The following C2CD3 variants were observed in gnomAD, a reference collection of about 807,000 sequenced individuals.
C2CD3 encodes the protein C2 domain-containing protein 3.
In C2CD3, 148 loss-of-function variants were observed where a neutral mutation model predicts 234.0. The ratio of observed to expected loss-of-function variants is 0.63; its 90% CI spans 0.55 to 0.72. C2CD3 has a LOEUF of 0.72. Among genes scored for constraint, C2CD3 ranks in the 30% least tolerant of loss-of-function variants. The pLI is 0.00. For missense variants in C2CD3, 2,577 were observed against 2,811.5 expected (o/e 0.92, Z 1.89); for synonymous variants, 1,000 against 1,035.4 (o/e 0.97, Z 0.66).
At chr11:74,061,609 A>G (rs550286822) in intron 24 of C2CD3, among the ~76,000 whole-genome samples, 1 of 152,338 alleles carries the variant, frequency 6.6e-6, no homozygotes, top group Admixed American at 6.5e-5. Context: ...GCCTTACAAG[A>G]GCTCCCAAAG....
chr11:74,021,471 A>G (rs2135402249), intron 32 of C2CD3, among the ~76,000 whole-genome samples: 1 of 152,298 alleles, frequency 6.6e-6, no homozygotes, highest in East Asian at 1.9e-4. Context: ...GGGCCAAGTT[A>G]ACCATCGGGA....
At chr11:74,100,230 T>A (rs1473680625) in intron 15 of C2CD3, among the ~76,000 whole-genome samples, 5 of 152,212 alleles carry the variant, frequency 3.3e-5, no homozygotes, top group Non-Finnish European at 4.4e-5. Context: ...CTTCTCTGAA[T>A]CTCTGTTAAC....
intron 7 of C2CD3, among the ~76,000 whole-genome samples, chr11:74,131,241 T>C (rs1957668827): frequency 6.6e-6 from 1 of 151,100 alleles, no homozygotes; most frequent in South Asian, 2.1e-4. Flanking sequence ...GAGAATCACT[T>C]GAACCCAGGA....
chr11:74,098,730 T>C lies in C2CD3; in HGVS notation c.2733-475A>G, dbSNP rs191440181. On this transcript the variant is annotated intron_variant, in intron 15 of 32. Transcript: ENST00000334126. ...CGCTGCAAAGGTTGGTATTATCCAC[T>C]ATTAATGGATGAGAAAAGCCAAATT... is the stretch of plus-strand genomic sequence containing the variant. 2.0e-4 allele frequency among the ~76,000 whole-genome samples: 31 copies of C among 152,320 alleles called. 1 individual carries two copies. The East Asian group carries it at 5.6e-3, about 27-fold the overall frequency.
chr11:74,150,493 A>AAT, intron 3 of C2CD3, among the ~76,000 whole-genome samples: 1 of 64,448 alleles, frequency 1.6e-5, no homozygotes, highest in Non-Finnish European at 3.0e-5. Flanking sequence ...ACCCTGTCTC[A>AAT]AAAAAAAAAA....
chr11:74,067,680 T>C (rs1469540605), intron 24 of C2CD3, among the ~76,000 whole-genome samples: 2 of 152,216 alleles, frequency 1.3e-5, no homozygotes, highest in Non-Finnish European at 2.9e-5. Context: ...TGAGCTATCT[T>C]CTTAAAAGTT....
chr11:74,037,786 G>A, intron 29 of C2CD3, 88 bp from the exon 30 acceptor site: 2 of 1,000,100 alleles, frequency 2.0e-6, no homozygotes, highest in Admixed American at 2.0e-5. Flanking sequence ...TACCGCTTGA[G>A]CCAAAGCCTT....
intron 7 of C2CD3, among the ~76,000 whole-genome samples, chr11:74,128,100 T>A (rs527731208): frequency 7.9e-5 from 12 of 152,310 alleles, no homozygotes; most frequent in South Asian, 2.1e-4. Context: ...CCTGACCTCG[T>A]GATCCGCCTG....
chr11:74,098,143 C>G lies in C2CD3; in HGVS notation c.2845G>C (p.Val949Leu). ...FSGHQNGSLR[V>L]FLAMGSSNQI... Reference sequence around the variant, plus strand: ...TTTGAAGAACCCATAGCTAAAAAGACTCGAAGACTCCCATTTTGGTGGCCT... The same window carrying G: ...TTTGAAGAACCCATAGCTAAAAAGAGTCGAAGACTCCCATTTTGGTGGCCT... The change falls in exon 16 of 33, where the codon GTC becomes CTC. Residue 949 changes from valine (V) to leucine (L), a missense_variant. By Grantham distance (32) the Val-to-Leu change is conservative (BLOSUM62 1). Coordinates refer to ENST00000334126, the MANE Select transcript of C2CD3 (RefSeq NM_001286577.2). The G allele has an allele frequency of 1.2e-6, 2 of 1,614,066 alleles. No homozygotes were observed. Among genetic ancestry groups the G allele is most frequent in the Non-Finnish European group, 8.5e-7 (1 of 1,180,002 alleles).
At chr11:74,103,686 T>C (rs1956407136) in intron 13 of C2CD3, 61 bp from the exon 14 acceptor site, 6 of 1,411,336 alleles carry the variant, frequency 4.3e-6, no homozygotes, top group Non-Finnish European at 5.8e-6. Flanking sequence ...AATTAGAATT[T>C]TGAGGCTGGA....
chr11:74,147,629 A>G (rs1427727484), intron 3 of C2CD3, among the ~76,000 whole-genome samples: 1 of 152,230 alleles, frequency 6.6e-6, no homozygotes, highest in African/African-American at 2.4e-5. Flanking sequence ...CTGGTCAAAT[A>G]CAGGGCCATT....
At chr11:74,125,402 C>T (rs558782965) in intron 7 of C2CD3, among the ~76,000 whole-genome samples, 24 of 152,282 alleles carry the variant, frequency 1.6e-4, no homozygotes, top group Admixed American at 8.5e-4. Context: ...AACGATCTGA[C>T]ATAGCCTCCC....
rs1250064229 is a variant in C2CD3, at chr11:74,012,818, A to T, written c.*567T>A. On this transcript the variant is annotated 3_prime_UTR_variant, in exon 33 of 33. Coordinates refer to ENST00000334126, the MANE Select transcript of C2CD3 (RefSeq NM_001286577.2). The stretch of plus-strand genomic sequence containing the variant: ...TAAAAGCATGGTTAGAATTTTAGAC[A>T]ATCAGATAAAAAGTTTGAAGGAAGT... 1 of 152,246 alleles carries T rather than the reference A, an allele frequency of 6.6e-6. No individual in the cohort carries two copies. Among genetic ancestry groups the T allele is most frequent in the Non-Finnish European group, 1.5e-5 (1 of 68,038 alleles). 9.4% of individuals were successfully genotyped at this position (152,246 alleles called of 1,614,324 possible). A position where few individuals can be genotyped will look rare whatever the true frequency, so the allele number is the denominator to read the frequency against.
At position 74,077,831 on chromosome 11, in the gene C2CD3, ATATATATATATATATT is replaced by A. The variant is rs1565263344; in HGVS notation, c.4603+268_4603+283del. On this transcript the variant is annotated intron_variant, in intron 23 of 32. Transcript: ENST00000334126. ...TATATATATATATATATATATATAT[ATATATATATATATATT>A]ATCTCTTTAGTTACAAGAAGCACTA... 6.4e-4 allele frequency among the ~76,000 whole-genome samples: 10 copies of A among 15,700 alleles called. 2 individuals are homozygous for A. Among genetic ancestry groups the A allele is most frequent in the South Asian group, 3.8e-3 (2 of 532 alleles). The allele number at this position is 15,700 out of a possible 152,430, so 10.3% of individuals were successfully genotyped here.
intron 7 of C2CD3, among the ~76,000 whole-genome samples, chr11:74,131,655 G>A (rs955972478): frequency 6.6e-6 from 1 of 151,004 alleles, no homozygotes; most frequent in Non-Finnish European, 1.5e-5. Flanking sequence ...GCATGTTCTC[G>A]GCTCATTGCA....
At chr11:74,055,880 A>G (rs1284162006) in intron 25 of C2CD3, among the ~76,000 whole-genome samples, 7 of 152,212 alleles carry the variant, frequency 4.6e-5, no homozygotes, top group African/African-American at 1.7e-4. Context: ...TGAAATCAGG[A>G]TATTGCTAAT....
chr11:74,090,344 C>T (rs1955835321), intron 20 of C2CD3, among the ~76,000 whole-genome samples: 1 of 152,106 alleles, frequency 6.6e-6, no homozygotes. Flanking sequence ...GCCTGACCAA[C>T]ACAGTAATGA....
rs74775299 is a variant in C2CD3, at chr11:74,070,085, A to G, written c.4951+4168T>C. Among the ~76,000 whole-genome samples, 518 of 152,338 alleles carry G rather than the reference A, an allele frequency of 3.4e-3. 5 individuals are homozygous for G. The highest frequency in any genetic ancestry group is 0.012 in the African/African-American group (493 of 41,576). ...CTTTTTACTGAGTATAACTTATGCTACTTCAAATCATTTTACCTCTCTGTT... is the reference window on the plus strand; with the variant it reads ...CTTTTTACTGAGTATAACTTATGCTGCTTCAAATCATTTTACCTCTCTGTT... On this transcript the variant is annotated intron_variant, in intron 24 of 32. Coordinates refer to ENST00000334126, the MANE Select transcript of C2CD3 (RefSeq NM_001286577.2).
At chr11:74,049,759 G>A (rs1483275166) in intron 26 of C2CD3, among the ~76,000 whole-genome samples, 1 of 152,034 alleles carries the variant, frequency 6.6e-6, no homozygotes, top group Non-Finnish European at 1.5e-5. Flanking sequence ...AAGCTGACAG[G>A]CTTGCACTTC....
Sources: allele counts gnomAD v4.1 joint callset (sites outside exome capture counted in the v4.1 genomes callset), GRCh38; gene constraint gnomAD v4.1.1; transcripts MANE v1.5; gene names NCBI Gene and HGNC (gene_info 2026-07-23, HGNC 2026-07-21).